The following MID1 variants were observed in gnomAD, a reference collection of about 807,000 sequenced individuals.
MID1 encodes the protein E3 ubiquitin-protein ligase Midline-1.
Under a neutral mutation model 40.4 loss-of-function variants are expected in MID1, and 7 were observed. The ratio of observed to expected loss-of-function variants is 0.17; its 90% CI spans 0.10 to 0.33. MID1 has a LOEUF of 0.33. Among genes scored for constraint, MID1 ranks in the 10% least tolerant of loss-of-function variants. The pLI is 1.00. For missense variants in MID1, 367 were observed against 558.5 expected (o/e 0.66, Z 3.46); for synonymous variants, 229 against 221.2 (o/e 1.04, Z -0.31).
chrX:10,823,498 A>G (rs2044192561), intron 1 of MID1, among the ~76,000 whole-genome samples: 1 of 111,826 alleles, frequency 8.9e-6, no homozygotes, highest in South Asian at 3.8e-4. Context: ...AAGATTAAAA[A>G]GAAGTATGAC....
At chrX:10,589,927 C>A (rs1308945182) in intron 1 of MID1, 1 of 109,290 alleles carries the variant, frequency 9.1e-6, no homozygotes, top group Non-Finnish European at 1.9e-5. Flanking sequence ...TGGCCAGAGG[C>A]ATCAGCAAGA....
At chrX:10,792,712 T>C (rs1729282694) in intron 1 of MID1, among the ~76,000 whole-genome samples, 1 of 111,369 alleles carries the variant, frequency 9.0e-6, no homozygotes, top group African/African-American at 3.3e-5. Context: ...AAAAGCAGCT[T>C]AGTGGTTGCC....
chrX:10,464,865 G>A (rs1393546899), intron 7 of MID1, among the ~76,000 whole-genome samples: 1 of 111,417 alleles, frequency 9.0e-6, no homozygotes, highest in Non-Finnish European at 1.9e-5. Context: ...TACTCCCAAA[G>A]TGTCCATGAC....
intron 1 of MID1, among the ~76,000 whole-genome samples, chrX:10,821,686 G>A (rs1165770040): frequency 8.9e-6 from 1 of 112,313 alleles, no homozygotes; most frequent in Non-Finnish European, 1.9e-5. Context: ...CTTATTTTTT[G>A]ATTTGTTAAT....
At chrX:10,771,896 T>A (rs1216718816) in intron 1 of MID1, among the ~76,000 whole-genome samples, 1 of 110,694 alleles carries the variant, frequency 9.0e-6, no homozygotes, top group Non-Finnish European at 1.9e-5. Context: ...TTAAATGGAA[T>A]AAAAATTGCT....
intron 1 of MID1, among the ~76,000 whole-genome samples, chrX:10,796,413 G>A (rs867763159): frequency 1.2e-5 from 1 of 86,701 alleles, no homozygotes; most frequent in Non-Finnish European, 2.3e-5. Context: ...AGAAAATTCA[G>A]TTTTTTTTTT....
At chrX:10,542,034 T>C (rs183039351) in intron 2 of MID1, among the ~76,000 whole-genome samples, 1 of 112,330 alleles carries the variant, frequency 8.9e-6, no homozygotes, top group East Asian at 2.8e-4. Context: ...AGAATGGAAT[T>C]TGGCAAAATC....
chrX:10,738,637 G>C (rs1338194576), intron 1 of MID1, among the ~76,000 whole-genome samples: 2 of 110,662 alleles, frequency 1.8e-5, no homozygotes, highest in Non-Finnish European at 3.8e-5. Context: ...CCCATGCAAA[G>C]AGAGGAAGGG....
chrX:10,715,182 T>C (rs1339650962), intron 1 of MID1, among the ~76,000 whole-genome samples: 1 of 111,905 alleles, frequency 8.9e-6, no homozygotes, highest in Non-Finnish European at 1.9e-5. Flanking sequence ...TCACTGGGGA[T>C]TGTTGGACAG....
intron 1 of MID1, among the ~76,000 whole-genome samples, chrX:10,698,870 C>T (rs1602523719): frequency 9.0e-6 from 1 of 111,425 alleles, no homozygotes; most frequent in African/African-American, 3.3e-5. Context: ...ACTTCTATTA[C>T]TGGAGATCAC....
At chrX:10,475,378 G>A (rs925185325) in intron 5 of MID1, among the ~76,000 whole-genome samples, 1 of 111,860 alleles carries the variant, frequency 8.9e-6, no homozygotes, top group African/African-American at 3.2e-5. Flanking sequence ...AAATATTCAT[G>A]AGCTTTCTCA....
At chrX:10,526,501 T>C (rs1251101539) in intron 2 of MID1, among the ~76,000 whole-genome samples, 4 of 111,583 alleles carry the variant, frequency 3.6e-5, no homozygotes, top group Non-Finnish European at 5.6e-5. Flanking sequence ...TACTTTTCTT[T>C]TTGGCTGACC....
At chrX:10,693,343 C>T (rs2043142794) in intron 1 of MID1, among the ~76,000 whole-genome samples, 1 of 108,196 alleles carries the variant, frequency 9.2e-6, no homozygotes, top group Non-Finnish European at 1.9e-5. Flanking sequence ...CACAGGTGTG[C>T]ACCACTGCAC....
At chrX:10,584,617 C>G (rs752383676) in intron 1 of MID1, among the ~76,000 whole-genome samples, 6 of 112,499 alleles carry the variant, frequency 5.3e-5, no homozygotes, top group Non-Finnish European at 9.4e-5. Context: ...TGGCTGACAG[C>G]CAATGTCTTT....
At chrX:10,454,065 A>G in intron 9 of MID1, among the ~76,000 whole-genome samples, 1 of 112,532 alleles carries the variant, frequency 8.9e-6, no homozygotes, top group Middle Eastern at 4.2e-3. Context: ...AGACGGTCAA[A>G]GGGGTGCAGT....
intron 1 of MID1, among the ~76,000 whole-genome samples, chrX:10,628,781 A>C (rs1252218175): frequency 8.9e-6 from 1 of 112,124 alleles, no homozygotes; most frequent in African/African-American, 3.2e-5. Flanking sequence ...GATATAATAT[A>C]ACCCACCAGG....
intron 8 of MID1, among the ~76,000 whole-genome samples, chrX:10,457,735 G>A (rs771632823): frequency 1.8e-5 from 2 of 112,318 alleles, no homozygotes; most frequent in African/African-American, 6.5e-5. Context: ...AGGCTTTCGC[G>A]ATCTGTTCTT....
At chrX:10,454,082 T>C (rs971444762) in intron 9 of MID1, among the ~76,000 whole-genome samples, 4 of 112,520 alleles carry the variant, frequency 3.6e-5, no homozygotes, top group Non-Finnish European at 5.6e-5. Flanking sequence ...CAGTTGTGGC[T>C]GTGGATTAGG....
intron 7 of MID1, among the ~76,000 whole-genome samples, chrX:10,465,045 G>A (rs1602257950): frequency 9.2e-6 from 1 of 108,391 alleles, no homozygotes; most frequent in South Asian, 4.1e-4. Context: ...TTAGCCAGGC[G>A]TGGTAGCACA....
Sources: allele counts gnomAD v4.1 joint callset (sites outside exome capture counted in the v4.1 genomes callset), GRCh38; gene constraint gnomAD v4.1.1; transcripts MANE v1.5; gene names NCBI Gene and HGNC (gene_info 2026-07-23, HGNC 2026-07-21).